The following SYCP2L variants were observed in gnomAD, a reference collection of about 807,000 sequenced individuals.
SYCP2L encodes synaptonemal complex protein 2 like, also known as synaptonemal complex protein 2-like.
Under a neutral mutation model 125.8 loss-of-function variants are expected in SYCP2L, and 98 were observed. That is an observed-to-expected ratio of 0.78 (90% CI 0.66 to 0.92). The LOEUF is 0.92. SYCP2L is among the 40% of genes least tolerant of loss of function. The pLI is 0.00. For synonymous variants in SYCP2L, 317 were observed against 325.4 expected, an observed-to-expected ratio of 0.97 and a Z score of 0.28; for missense variants, 842 against 936.4, an observed-to-expected ratio of 0.90 and a Z score of 1.32.
intron 4 of SYCP2L, among the ~76,000 whole-genome samples, chr6:10,896,902 C>T (rs988802108): frequency 3.9e-5 from 6 of 152,194 alleles, no homozygotes; most frequent in Admixed American, 1.3e-4. Context: ...TTATCTTCAG[C>T]TGGGCTGTCT....
intron 26 of SYCP2L, among the ~76,000 whole-genome samples, chr6:10,959,869 CAAAAA>C (rs201059528): frequency 4.0e-5 from 5 of 126,238 alleles, no homozygotes; most frequent in African/African-American, 1.5e-4. Flanking sequence ...AACTCTGTCT[CAAAAA>C]AAAAAAAAAA....
intron 21 of SYCP2L, among the ~76,000 whole-genome samples, chr6:10,938,458 T>C (rs1781146575): frequency 6.6e-6 from 1 of 152,186 alleles, no homozygotes; most frequent in Admixed American, 6.5e-5. Flanking sequence ...TTCCACTCAA[T>C]GGTGAAAAGC....
chr6:10,924,459 AT>A (rs1561689163), intron 14 of SYCP2L, 36 bp from the exon 15 acceptor site: 1 of 1,468,466 alleles, frequency 6.8e-7, no homozygotes, highest in Non-Finnish European at 9.1e-7. Context: ...ACATTGAAGT[AT>A]GTTGCTATGC....
chr6:10,934,991 T>G, intron 20 of SYCP2L, 67 bp from the exon 21 acceptor site: 1 of 1,374,186 alleles, frequency 7.3e-7, no homozygotes, highest in Non-Finnish European at 9.9e-7. Flanking sequence ...TGAAAATGTC[T>G]TACAATATTT....
chr6:10,891,941 C>G (rs1780182375), intron 2 of SYCP2L, among the ~76,000 whole-genome samples: 1 of 152,114 alleles, frequency 6.6e-6, no homozygotes, highest in Non-Finnish European at 1.5e-5. Context: ...CTTTATGGAG[C>G]TTATAGACTG....
intron 26 of SYCP2L, among the ~76,000 whole-genome samples, 177 bp downstream of exon 26, chr6:10,959,052 C>T (rs888774433): frequency 6.6e-6 from 1 of 152,182 alleles, no homozygotes; most frequent in South Asian, 2.1e-4. Context: ...AGGGTTTGAA[C>T]TAAATGTCCA....
At position 10,971,478 on chromosome 6, in the gene SYCP2L, A is replaced by T. The variant is rs1288330501; in HGVS notation, c.*38-2474A>T. Among the ~76,000 whole-genome samples, 5 of 151,262 alleles carry T rather than the reference A, an allele frequency of 3.3e-5. No homozygotes were observed. The East Asian group carries it at 9.7e-4, about 29-fold the overall frequency. On this transcript the variant is annotated intron_variant, in intron 29 of 29. Coordinates refer to ENST00000283141, the MANE Select transcript of SYCP2L (RefSeq NM_001040274.3). ...GTCTCAAAAAAAAAAAAAAAAAAGA[A>T]AGAAAGAAAGATAGGAGTTACTTTG...
At position 10,911,898 on chromosome 6, in the gene SYCP2L, T is replaced by C. The variant is rs3066125; in HGVS notation, c.919-775T>C. Reference sequence around the variant, plus strand: ...TCTGTTGTTGGGGAATAAAAGCTTTTTTTTTTTTTTTTTTTTTTTTTGAGA... The same window carrying C: ...TCTGTTGTTGGGGAATAAAAGCTTTCTTTTTTTTTTTTTTTTTTTTTGAGA... On this transcript the variant is annotated intron_variant, in intron 12 of 29. Transcript: ENST00000283141. Among the ~76,000 whole-genome samples, 393 of 13,808 alleles carry C rather than the reference T, an allele frequency of 0.028. 7 individuals carry two copies. The East Asian group carries it at 0.47, about 17-fold the overall frequency. The allele number at this position is 13,808 out of a possible 152,430, so 9.1% of individuals were successfully genotyped here.
At chr6:10,924,830 T>C (rs957248379) in intron 15 of SYCP2L, among the ~76,000 whole-genome samples, 189 bp downstream of exon 15, 6 of 152,192 alleles carry the variant, frequency 3.9e-5, no homozygotes, top group Non-Finnish European at 7.3e-5. Flanking sequence ...GGTCATTGTC[T>C]TGAGGTAGGA....
intron 9 of SYCP2L, among the ~76,000 whole-genome samples, chr6:10,906,661 G>C (rs149345884): frequency 1.3e-3 from 197 of 151,022 alleles, no homozygotes; most frequent in African/African-American, 4.6e-3. Context: ...GCAATGGCGC[G>C]ATCTCGGCTC....
chr6:10,954,693 G>C lies in SYCP2L; in HGVS notation c.1955-423G>C, dbSNP rs865806535. Among the ~76,000 whole-genome samples, 1 of 152,220 alleles carries C rather than the reference G, an allele frequency of 6.6e-6. No homozygotes were observed. Among genetic ancestry groups the C allele is most frequent in the Non-Finnish European group, 1.5e-5 (1 of 68,034 alleles). ...ATGACGTAGCCTTCAGCATAGCGCCGATGTGCCCGTGTCACCAGCAGATGG... is the reference window on the plus strand; with the variant it reads ...ATGACGTAGCCTTCAGCATAGCGCCCATGTGCCCGTGTCACCAGCAGATGG... On this transcript the variant is annotated intron_variant, in intron 23 of 29. Coordinates refer to ENST00000283141, the MANE Select transcript of SYCP2L (RefSeq NM_001040274.3). The surrounding 1 kb of genome is among the most constrained non-coding windows in gnomAD (Gnocchi z 4.8).
chr6:10,890,705 G>A (rs1561677630), intron 1 of SYCP2L, among the ~76,000 whole-genome samples: 1 of 152,066 alleles, frequency 6.6e-6, no homozygotes, highest in Non-Finnish European at 1.5e-5. Context: ...AATTTCATTT[G>A]TCTATTTTTG....
intron 29 of SYCP2L, among the ~76,000 whole-genome samples, chr6:10,967,454 GGTGTGTGTGTGTGTGTGTGTGTGT>G (rs3066151): frequency 7.2e-6 from 1 of 138,836 alleles, no homozygotes; most frequent in Non-Finnish European, 1.6e-5. Context: ...TGGGGTAGAG[GGTGTGTGTGTGTGTGTGTGTGTGT>G]GTGTGTGTGT....
intron 23 of SYCP2L, among the ~76,000 whole-genome samples, chr6:10,952,584 G>GAA (rs5874297): frequency 0.046 from 6,583 of 143,972 alleles, 498 homozygotes; most frequent in African/African-American, 0.16. Context: ...TTGCCACCAA[G>GAA]AAAAAAAAAA....
Position 10,907,783 on chromosome 6 carries a change from C to T in SYCP2L, c.819+99C>T, listed in dbSNP as rs982170859. 33 of 1,293,556 alleles carry T rather than the reference C, an allele frequency of 2.6e-5. 1 individual carries two copies. The highest frequency in any genetic ancestry group is 3.9e-4 in the Middle Eastern group (2 of 5,152). The allele number at this position is 1,293,556 out of a possible 1,614,324, so 80.1% of individuals were successfully genotyped here. On this transcript the variant is annotated intron_variant, in intron 10 of 29. Coordinates refer to ENST00000283141, the MANE Select transcript of SYCP2L (RefSeq NM_001040274.3). ...TTGGGCTTACGGGAGGATTTTTTTG[C>T]TTAAGTGTGATTACACTGCCATTCT...
intron 14 of SYCP2L, among the ~76,000 whole-genome samples, chr6:10,913,998 A>AT (rs1780648583): frequency 6.6e-6 from 1 of 151,828 alleles, no homozygotes; most frequent in Admixed American, 6.6e-5. Flanking sequence ...TGCCTGGCTA[A>AT]TTTTTTGTAT....
chr6:10,955,361 T>C (rs1225747), intron 24 of SYCP2L, 144 bp downstream of exon 24: 523,077 of 550,804 alleles, frequency 0.95, 249,725 homozygotes, highest in Non-Finnish European at 0.99. Flanking sequence ...TTTGTGCTTT[T>C]GGAGACAAAT....
intron 25 of SYCP2L, among the ~76,000 whole-genome samples, chr6:10,956,652 G>T (rs1331833041): frequency 6.6e-6 from 1 of 152,082 alleles, no homozygotes; most frequent in Non-Finnish European, 1.5e-5. Flanking sequence ...AAGTAGAGAT[G>T]AGGTCTCACT....
chr6:10,898,401 T>C (rs982035433), intron 5 of SYCP2L, among the ~76,000 whole-genome samples: 3 of 151,902 alleles, frequency 2.0e-5, no homozygotes, highest in African/African-American at 7.3e-5. Flanking sequence ...TAATTTCAGC[T>C]ACTTGGGAGG....
Sources: gnomAD v4.1 joint callset for allele counts (sites outside exome capture counted in the v4.1 genomes callset) on GRCh38, gnomAD v4.1.1 for gene constraint, Gnocchi (gnomAD v3.1) non-coding constraint, MANE v1.5 for transcripts, NCBI Gene and HGNC (gene_info 2026-07-23, HGNC 2026-07-21) for gene names.